PDE6G: variants seen among roughly 807,000 people sequenced by gnomAD.
The protein encoded by PDE6G is phosphodiesterase 6G.
Under a neutral mutation model 10.9 loss-of-function variants are expected in PDE6G, and 10 were observed. That is an observed-to-expected ratio of 0.91 (90% CI 0.56 to 1.55). The LOEUF (loss-of-function observed/expected upper bound fraction) is 1.55. PDE6G is among the 40% of genes most tolerant of loss of function. PDE6G has a pLI of 0.00. For missense variants in PDE6G, 102 were observed against 110.1 expected (o/e 0.93, Z 0.33); for synonymous variants, 41 against 42.8 (o/e 0.96, Z 0.16).
upstream of PDE6G, among the ~76,000 whole-genome samples, chr17:81,657,328 G>A (rs961652950): frequency 2.2e-5 from 3 of 136,772 alleles, no homozygotes; most frequent in Admixed American, 1.4e-4. Context: ...TCTTCCTGAG[G>A]GGCCTGGAGG....
upstream of PDE6G, among the ~76,000 whole-genome samples, chr17:81,661,346 T>C (rs555326554): frequency 6.6e-6 from 1 of 152,330 alleles, no homozygotes; most frequent in East Asian, 1.9e-4. Flanking sequence ...TGCCTGATGG[T>C]GGCAGGAGGC....
chr17:81,653,972 G>A lies in PDE6G; in HGVS notation c.-59-608C>T, dbSNP rs539057985. Among the ~76,000 whole-genome samples the A allele has an allele frequency of 4.6e-5, 7 of 152,106 alleles. No individual in the cohort carries two copies. Among genetic ancestry groups the A allele is most frequent in the South Asian group, 2.1e-4 (1 of 4,816 alleles). On this transcript the variant is annotated intron_variant, in intron 1 of 3. Coordinates refer to ENST00000331056, the MANE Select transcript of PDE6G (RefSeq NM_002602.4). This position sits in a 1 kb window ranked among gnomAD's most constrained non-coding sequence, Gnocchi z 5.2. The stretch of plus-strand genomic sequence containing the variant: ...ATTACCGGCGTCTGCCACCATGCCC[G>A]GCTAATCTTTGCATTTTTGCATTTT...
rs926719126 is a variant in PDE6G, at chr17:81,651,189, C to T, written c.188-39G>A. ...GGGCCACGGATCAGAGAGGATCCCA[C>T]GGCCTAGGGACCCCCCCATCCCCTG... On this transcript the variant is annotated intron_variant, in intron 3 of 3. Coordinates refer to ENST00000331056, the MANE Select transcript of PDE6G (RefSeq NM_002602.4). This position sits in a 1 kb window ranked among gnomAD's most constrained non-coding sequence, Gnocchi z 4.8. 2.2e-5 allele frequency: 32 copies of T among 1,455,112 alleles called. No homozygotes were observed. The highest frequency in any genetic ancestry group is 3.0e-5 in the Non-Finnish European group (31 of 1,035,644). 90.1% of individuals were successfully genotyped at this position (1,455,112 alleles called of 1,614,324 possible).
At chr17:81,654,229 C>A (rs2036412777) in intron 1 of PDE6G, among the ~76,000 whole-genome samples, 2 of 152,162 alleles carry the variant, frequency 1.3e-5, no homozygotes, top group Non-Finnish European at 2.9e-5. Context: ...GGGCTGCCTC[C>A]ATCTCAAGTT....
At chr17:81,652,499 G>C (rs912640195) in intron 2 of PDE6G, among the ~76,000 whole-genome samples, 4 of 151,594 alleles carry the variant, frequency 2.6e-5, no homozygotes, top group African/African-American at 4.9e-5. Flanking sequence ...GAATGGTCTC[G>C]ATCTCCTGAC....
upstream of PDE6G, among the ~76,000 whole-genome samples, chr17:81,660,466 C>T (rs1315402165): frequency 6.6e-6 from 1 of 152,180 alleles, no homozygotes; most frequent in Admixed American, 6.6e-5. Context: ...CACAGGAAGA[C>T]CAAGACAAGC....
Position 81,651,219 on chromosome 17 carries a change from C to A in PDE6G, c.188-69G>T. 1 of 1,189,300 alleles carries A rather than the reference C, an allele frequency of 8.4e-7. No homozygotes were observed. 73.7% of individuals were successfully genotyped at this position (1,189,300 alleles called of 1,614,324 possible). A position where few individuals can be genotyped will look rare whatever the true frequency, so the allele number is the denominator to read the frequency against. On this transcript the variant is annotated intron_variant, in intron 3 of 3. Coordinates refer to ENST00000331056, the MANE Select transcript of PDE6G (RefSeq NM_002602.4). This position sits in a 1 kb window ranked among gnomAD's most constrained non-coding sequence, Gnocchi z 4.8. ...TAGGGACCCCCCCATCCCCTGTGGC[C>A]CTGTTTCCCACAGCCCAGGTGTAGC...
chr17:81,657,862 C>A (rs1235693080), upstream of PDE6G, among the ~76,000 whole-genome samples: 1 of 151,356 alleles, frequency 6.6e-6, no homozygotes, highest in Non-Finnish European at 1.5e-5. Flanking sequence ...GCCTGGGCGA[C>A]AGAGCGAGAT....
intron 1 of PDE6G, among the ~76,000 whole-genome samples, chr17:81,655,152 A>T (rs970439383): frequency 9.9e-5 from 15 of 152,056 alleles, no homozygotes; most frequent in African/African-American, 2.9e-4. Flanking sequence ...CCACTCACGG[A>T]GGCATCCCTG....
At chr17:81,660,944 CA>C (rs1568192106), upstream of PDE6G, among the ~76,000 whole-genome samples, 3 of 149,616 alleles carry the variant, frequency 2.0e-5, no homozygotes, top group Non-Finnish European at 3.0e-5. Flanking sequence ...TTTTTAGAGA[CA>C]GGGGTCTCTG....
chr17:81,656,514 G>A lies in PDE6G; in HGVS notation c.-81C>T. 2.6e-6 allele frequency: 2 copies of A among 763,922 alleles called. No homozygotes were observed. Among genetic ancestry groups the A allele is most frequent in the South Asian group, 2.7e-5 (2 of 74,224 alleles). The allele number at this position is 763,922 out of a possible 1,614,324, so 47.3% of individuals were successfully genotyped here. ...TCACCAAGTGCAGGGCGGGTCTCAG[G>A]GGGCTGTGCTGTGAGTGCTGGGCCT... On this transcript the variant is annotated 5_prime_UTR_variant, in exon 1 of 4. Transcript: ENST00000331056.
intron 1 of PDE6G, among the ~76,000 whole-genome samples, chr17:81,655,698 G>A (rs1457940811): frequency 2.0e-5 from 3 of 152,248 alleles, no homozygotes; most frequent in Non-Finnish European, 2.9e-5. Flanking sequence ...GACACAGACA[G>A]GAGGGGCTGC....
intron 1 of PDE6G, among the ~76,000 whole-genome samples, chr17:81,656,069 G>A (rs1423540258): frequency 3.3e-5 from 5 of 152,042 alleles, no homozygotes; most frequent in African/African-American, 1.2e-4. Flanking sequence ...AGATAGCACA[G>A]GCCCCGTCCA....
At position 81,653,750 on chromosome 17, in the gene PDE6G, T is replaced by G; in HGVS notation, c.-59-386A>C. ...ACAACTTCCTGCCCCTTCCCCTGCG[T>G]TCCCCACCCCAGGGAAGCGTGACTC... On this transcript the variant is annotated intron_variant, in intron 1 of 3. Transcript: ENST00000331056. This position sits in a 1 kb window ranked among gnomAD's most constrained non-coding sequence, Gnocchi z 5.2. 1.1e-5 allele frequency: 2 copies of G among 186,150 alleles called. No individual in the cohort carries two copies. The highest frequency in any genetic ancestry group is 1.1e-5 in the Non-Finnish European group (1 of 87,800). The allele number at this position is 186,150 out of a possible 1,614,324, so 11.5% of individuals were successfully genotyped here.
At chr17:81,657,576 C>T (rs1390286068), upstream of PDE6G, among the ~76,000 whole-genome samples, 1 of 152,196 alleles carries the variant, frequency 6.6e-6, no homozygotes, top group Non-Finnish European at 1.5e-5. Context: ...TCTGCCTCTG[C>T]ACCTTTAAAA....
chr17:81,651,558 G>A lies in PDE6G; in HGVS notation c.187+87C>T, dbSNP rs1026372897. On this transcript the variant is annotated intron_variant, in intron 3 of 3. Transcript: ENST00000331056. The surrounding 1 kb of genome is among the most constrained non-coding windows in gnomAD (Gnocchi z 4.8). ...GTGAAAAGCAGGGGAGGTGGGGGCC[G>A]AGGTGGGCTGCAATGGGCCCCGGGC... 1.0e-5 allele frequency: 13 copies of A among 1,245,338 alleles called. No homozygotes were observed. Among genetic ancestry groups the A allele is most frequent in the African/African-American group, 1.5e-5 (1 of 67,714 alleles). 77.1% of individuals were successfully genotyped at this position (1,245,338 alleles called of 1,614,324 possible).
chr17:81,662,319 T>G (rs1031540733), intron 1 of PDE6G, among the ~76,000 whole-genome samples: 3 of 151,548 alleles, frequency 2.0e-5, no homozygotes, highest in African/African-American at 7.3e-5. Flanking sequence ...CAAAAAGTAT[T>G]GAAATAAAAA....
chr17:81,656,906 G>A (rs763665950), upstream of PDE6G: 67 of 435,076 alleles, frequency 1.5e-4, no homozygotes, highest in South Asian at 2.3e-4. Context: ...GCCCTCACCC[G>A]CTGCTGTGGC....
intron 1 of PDE6G, among the ~76,000 whole-genome samples, chr17:81,662,737 G>A (rs915327151): frequency 6.6e-6 from 1 of 152,196 alleles, no homozygotes; most frequent in Admixed American, 6.6e-5. Flanking sequence ...AGTGGCTCAT[G>A]CCTGCAATCC....
Sources: allele counts gnomAD v4.1 joint callset (sites outside exome capture counted in the v4.1 genomes callset), GRCh38; gene constraint gnomAD v4.1.1; non-coding constraint Gnocchi (gnomAD v3.1); transcripts MANE v1.5; gene names NCBI Gene and HGNC (gene_info 2026-07-23, HGNC 2026-07-21).